The following SPAG6 variants were observed in gnomAD, a reference collection of about 807,000 sequenced individuals.
The protein encoded by SPAG6 is sperm-associated antigen 6.
A neutral mutation model predicts 58.5 loss-of-function variants in SPAG6; 49 were observed. The ratio of observed to expected loss-of-function variants is 0.84; its 90% CI spans 0.67 to 1.06. The LOEUF is 1.06. SPAG6 is among the 50% of genes least tolerant of loss of function. SPAG6 has a pLI of 0.00. For missense variants in SPAG6, 560 were observed against 611.3 expected (o/e 0.92, Z 0.89); for synonymous variants, 233 against 225.6 (o/e 1.03, Z -0.29).
chr10:22,383,902 T>G (rs1834011302), intron 4 of SPAG6, among the ~76,000 whole-genome samples: 1 of 152,048 alleles, frequency 6.6e-6, no homozygotes, highest in South Asian at 2.1e-4. Flanking sequence ...TAATGAACAT[T>G]CAGTGAGTGA....
chr10:22,361,831 A>C (rs1837049633), intron 2 of SPAG6, among the ~76,000 whole-genome samples: 2 of 151,738 alleles, frequency 1.3e-5, no homozygotes, highest in South Asian at 4.1e-4. Context: ...TAAACACTTA[A>C]AATTAAATAT....
chr10:22,406,388 G>A (rs1469919286), intron 9 of SPAG6, among the ~76,000 whole-genome samples: 2 of 151,990 alleles, frequency 1.3e-5, no homozygotes, highest in Non-Finnish European at 2.9e-5. Flanking sequence ...CCTTCATTTC[G>A]TTATGTATCC....
intron 2 of SPAG6, among the ~76,000 whole-genome samples, chr10:22,363,112 T>C (rs950497060): frequency 6.6e-6 from 1 of 152,194 alleles, no homozygotes; most frequent in African/African-American, 2.4e-5. Flanking sequence ...ACATTTTGGA[T>C]GTACTTAACT....
intron 9 of SPAG6, 26 bp from the exon 10 acceptor site, chr10:22,411,005 A>G: frequency 6.3e-7 from 1 of 1,591,664 alleles, no homozygotes; most frequent in African/African-American, 1.4e-5. Flanking sequence ...AGAAAAGCTG[A>G]CATTTTATGT....
intron 10 of SPAG6, among the ~76,000 whole-genome samples, chr10:22,415,284 A>T (rs896153518): frequency 5.3e-5 from 8 of 150,790 alleles, no homozygotes; most frequent in African/African-American, 1.9e-4. Context: ...AAAATATAAA[A>T]TTTATTAATA....
intron 10 of SPAG6, among the ~76,000 whole-genome samples, chr10:22,415,413 A>T (rs1476633574): frequency 1.3e-5 from 2 of 152,180 alleles, no homozygotes; most frequent in Non-Finnish European, 2.9e-5. Context: ...AAAATTTTTG[A>T]CTAACTCAGA....
At chr10:22,366,151 G>T (rs80023855) in intron 3 of SPAG6, among the ~76,000 whole-genome samples, 3,192 of 152,270 alleles carry the variant, frequency 0.021, 116 homozygotes, top group African/African-American at 0.073. Context: ...TAGCCAAAAG[G>T]TGAAAGCAAC....
chr10:22,388,492 C>T (rs1360973571), intron 6 of SPAG6, among the ~76,000 whole-genome samples: 1 of 152,040 alleles, frequency 6.6e-6, no homozygotes, highest in Non-Finnish European at 1.5e-5. Flanking sequence ...CACAAAGGTC[C>T]CCTGGCCTAC....
intron 4 of SPAG6, among the ~76,000 whole-genome samples, chr10:22,370,480 C>G (rs954344132): frequency 3.3e-5 from 5 of 152,136 alleles, no homozygotes; most frequent in Admixed American, 3.3e-4. Flanking sequence ...GACTGTAAAG[C>G]CTTTGTTAAC....
intron 2 of SPAG6, among the ~76,000 whole-genome samples, chr10:22,364,279 C>G (rs556007511): frequency 6.6e-6 from 1 of 152,210 alleles, no homozygotes; most frequent in South Asian, 2.1e-4. Flanking sequence ...GTCCTTAGAA[C>G]AGTGCTTGCA....
chr10:22,404,970 T>G (rs1177064442), intron 9 of SPAG6, among the ~76,000 whole-genome samples: 1 of 151,816 alleles, frequency 6.6e-6, no homozygotes, highest in Non-Finnish European at 1.5e-5. Context: ...TGCTTGTGAT[T>G]TTTGTACATT....
chr10:22,357,959 C>T (rs1588636969), intron 2 of SPAG6, among the ~76,000 whole-genome samples: 6 of 151,978 alleles, frequency 3.9e-5, no homozygotes, highest in Admixed American at 3.9e-4. Context: ...GTATATGTGC[C>T]ACATTTTCTT....
intron 10 of SPAG6, among the ~76,000 whole-genome samples, chr10:22,415,716 A>G (rs1834852538): frequency 6.6e-6 from 1 of 152,224 alleles, no homozygotes; most frequent in Admixed American, 6.5e-5. Context: ...AGATAAAGAT[A>G]ACTAACAAAA....
intron 4 of SPAG6, among the ~76,000 whole-genome samples, chr10:22,375,122 A>G (rs748077869): frequency 2.0e-5 from 3 of 152,236 alleles, no homozygotes; most frequent in Non-Finnish European, 2.9e-5. Flanking sequence ...AAGTTTGAAC[A>G]ATGCACCATG....
chr10:22,347,729 A>G (rs946847269), intron 2 of SPAG6, among the ~76,000 whole-genome samples: 8 of 152,204 alleles, frequency 5.3e-5, no homozygotes, highest in Non-Finnish European at 1.0e-4. Context: ...TGGCTTAGAT[A>G]TAAGATTCTA....
In SPAG6 at chr10:22,401,018, A is replaced by G. The variant is rs115183042; in HGVS notation, c.1198-143A>G. 2,016 of 581,948 alleles carry G rather than the reference A, an allele frequency of 3.5e-3. 44 individuals are homozygous for G. The highest frequency in any genetic ancestry group is 0.034 in the African/African-American group (1,834 of 53,352). The allele number at this position is 581,948 out of a possible 1,614,324, so 36.0% of individuals were successfully genotyped here. A position where few individuals can be genotyped will look rare whatever the true frequency, so the allele number is the denominator to read the frequency against. Reference sequence around the variant, plus strand: ...CAATCCAAGCAGGAGTTTTTTTTGGACAACAATTTTAAAAAATGAAACAAC... The same window carrying G: ...CAATCCAAGCAGGAGTTTTTTTTGGGCAACAATTTTAAAAAATGAAACAAC... On this transcript the variant is annotated intron_variant, in intron 8 of 10. Coordinates refer to ENST00000376624, the MANE Select transcript of SPAG6 (RefSeq NM_012443.4).
chr10:22,412,039 C>T (rs1283229685), intron 10 of SPAG6, among the ~76,000 whole-genome samples: 1 of 151,794 alleles, frequency 6.6e-6, no homozygotes, highest in African/African-American at 2.4e-5. Context: ...TTAGTAGAGA[C>T]GGGGTTTCAC....
At chr10:22,360,208 T>C (rs957021927) in intron 2 of SPAG6, among the ~76,000 whole-genome samples, 2 of 152,122 alleles carry the variant, frequency 1.3e-5, no homozygotes, top group South Asian at 4.1e-4. Flanking sequence ...TATGTATCCC[T>C]ATTGCTTGCT....
At chr10:22,412,568 TATATC>T (rs1834767146) in intron 10 of SPAG6, 3 of 997,088 alleles carry the variant, frequency 3.0e-6, no homozygotes, top group Non-Finnish European at 3.0e-6. Flanking sequence ...AAAGCAGTGA[TATATC>T]ATAACATGTA....
Sources: gnomAD v4.1 joint callset for allele counts (sites outside exome capture counted in the v4.1 genomes callset) on GRCh38, gnomAD v4.1.1 for gene constraint, MANE v1.5 for transcripts, NCBI Gene and HGNC (gene_info 2026-07-23, HGNC 2026-07-21) for gene names.